The following LRIG1 variants were observed in gnomAD, a reference collection of about 807,000 sequenced individuals.
The protein encoded by LRIG1 is leucine-rich repeats and immunoglobulin-like domains protein 1.
A neutral mutation model predicts 99.2 loss-of-function variants in LRIG1; 48 were observed. The ratio of observed to expected loss-of-function variants is 0.48; its 90% CI spans 0.38 to 0.62. LRIG1 has a LOEUF of 0.62. LRIG1 is among the 20% of genes least tolerant of loss of function. The probability of loss-of-function intolerance (pLI) is 0.00; values close to 1 mark genes in which losing one functional copy is unlikely to be tolerated. For missense variants in LRIG1, 1,646 were observed against 1,434.4 expected, an observed-to-expected ratio of 1.15 and a Z score of -2.38; for synonymous variants, 772 against 596.1, an observed-to-expected ratio of 1.29 and a Z score of -4.30.
At chr3:66,470,623 G>A (rs1222047733) in intron 1 of LRIG1, among the ~76,000 whole-genome samples, 2 of 152,154 alleles carry the variant, frequency 1.3e-5, no homozygotes, top group African/African-American at 4.8e-5. Flanking sequence ...GCAAACCCCA[G>A]TGCCAGGTCC....
chr3:66,458,453 A>G (rs982798113), intron 2 of LRIG1, among the ~76,000 whole-genome samples: 4 of 152,236 alleles, frequency 2.6e-5, no homozygotes, highest in Non-Finnish European at 5.9e-5. Flanking sequence ...CTGTAATCCC[A>G]GCACACTGGG....
chr3:66,383,960 A>ACACG (rs777052145), intron 14 of LRIG1, 31 bp downstream of exon 14: 2 of 1,603,182 alleles, frequency 1.2e-6, no homozygotes, highest in African/African-American at 2.7e-5. Context: ...ACACACACAC[A>ACACG]CACACACACA....
At chr3:66,407,975 AC>A (rs1702334001) in intron 7 of LRIG1, among the ~76,000 whole-genome samples, 1 of 152,182 alleles carries the variant, frequency 6.6e-6, no homozygotes, top group Non-Finnish European at 1.5e-5. Context: ...GGACAACCAC[AC>A]CTGTGCCTCA....
At position 66,423,561 on chromosome 3, in the gene LRIG1, A is replaced by G. The variant is rs111920713; in HGVS notation, c.366-6295T>C. Reference sequence around the variant, plus strand: ...ACTCCAGCCTGGGCAACAAGAGCAAAACTCCATCTCAAAAGAAACAAATTA... The same window carrying G: ...ACTCCAGCCTGGGCAACAAGAGCAAGACTCCATCTCAAAAGAAACAAATTA... On this transcript the variant is annotated intron_variant, in intron 3 of 18. Transcript: ENST00000273261. Among the ~76,000 whole-genome samples, 422 of 152,304 alleles carry G rather than the reference A, an allele frequency of 2.8e-3. 4 individuals are homozygous for G. Among genetic ancestry groups the G allele is most frequent in the African/African-American group, 9.7e-3 (403 of 41,556 alleles).
At position 66,459,002 on chromosome 3, in the gene LRIG1, G is replaced by A. The variant is rs1028413677; in HGVS notation, c.290+3436C>T. 5.7e-5 allele frequency among the ~76,000 whole-genome samples: 7 copies of A among 122,410 alleles called. No homozygotes were observed. The East Asian group carries it at 1.6e-3, about 28-fold the overall frequency. The allele number at this position is 122,410 out of a possible 152,430, so 80.3% of individuals were successfully genotyped here. On this transcript the variant is annotated intron_variant, in intron 2 of 18. Coordinates refer to ENST00000273261, the MANE Select transcript of LRIG1 (RefSeq NM_015541.3). Reference sequence around the variant, plus strand: ...GCACTCCAGCCTGGGAGATAAGAGCGAAACTCCATCTCAAAAAAAAAAAAA... The same window carrying A: ...GCACTCCAGCCTGGGAGATAAGAGCAAAACTCCATCTCAAAAAAAAAAAAA...
At chr3:66,456,285 T>A (rs1700218681) in intron 2 of LRIG1, among the ~76,000 whole-genome samples, 3 of 152,176 alleles carry the variant, frequency 2.0e-5, no homozygotes. Context: ...AGGATATGCT[T>A]AAGAGATGGC....
At position 66,394,047 on chromosome 3, in the gene LRIG1, G is replaced by A. The variant is rs971927260; in HGVS notation, c.1461C>T (p.Phe487=). The change falls in exon 12 of 19, where the codon TTC becomes TTT. Residue 487 remains phenylalanine (F), a synonymous_variant. Transcript: ENST00000273261. ...TTACAAAGACAGTCTTACCGCACAC[G>A]AAACTCTCTGGTGGCACAGAGAAAA... ...QSIFSVPPES[F]VCDDFLKPQI... is the part of the protein sequence containing the mutation. The A allele has an allele frequency of 2.7e-5, 43 of 1,613,904 alleles. No individual in the cohort carries two copies. In the South Asian group the frequency reaches 3.2e-4, roughly 12 times the overall value.
At chr3:66,480,606 C>T (rs1331275381) in intron 1 of LRIG1, among the ~76,000 whole-genome samples, 1 of 152,102 alleles carries the variant, frequency 6.6e-6, no homozygotes, top group Admixed American at 6.5e-5. Flanking sequence ...TAAATGAACA[C>T]CCAAAAGAAC....
Position 66,383,430 on chromosome 3 carries a change from A to G in LRIG1, c.2072-29T>C, listed in dbSNP as rs762672214. On this transcript the variant is annotated intron_variant, in intron 14 of 18. Transcript: ENST00000273261. ...CAAGAGAGCAACAGAGATCTTAGTC[A>G]TTCTCAGGGCCTCCGTTGCTCTGGC... 4 of 1,514,104 alleles carry G rather than the reference A, an allele frequency of 2.6e-6. No individual in the cohort carries two copies. In the South Asian group the frequency reaches 5.3e-5, roughly 20 times the overall value. The allele number at this position is 1,514,104 out of a possible 1,614,324, so 93.8% of individuals were successfully genotyped here. A position where few individuals can be genotyped will look rare whatever the true frequency, so the allele number is the denominator to read the frequency against.
rs762344596 is a variant in LRIG1, at chr3:66,382,858, C to A, written c.2491+124G>T. The A allele has an allele frequency of 2.6e-5, 22 of 849,398 alleles. No homozygotes were observed. In the East Asian group the frequency reaches 4.3e-4, roughly 17 times the overall value. 52.6% of individuals were successfully genotyped at this position (849,398 alleles called of 1,614,324 possible). A position where few individuals can be genotyped will look rare whatever the true frequency, so the allele number is the denominator to read the frequency against. ...CAAAGTTAAAATGGAATTAGTGGGA[C>A]TAAACCCTCAGGAGTTCTGAACACA... On this transcript the variant is annotated intron_variant, in intron 15 of 18. Transcript: ENST00000273261.
chr3:66,471,824 G>GT (rs932697484), intron 1 of LRIG1, among the ~76,000 whole-genome samples: 13 of 152,294 alleles, frequency 8.5e-5, no homozygotes, highest in African/African-American at 3.1e-4. Flanking sequence ...CAAGTGCTTT[G>GT]TAAAGTCCAC....
chr3:66,447,630 G>A (rs1244019102), intron 3 of LRIG1, among the ~76,000 whole-genome samples: 1 of 152,182 alleles, frequency 6.6e-6, no homozygotes, highest in East Asian at 1.9e-4. Flanking sequence ...GAAGTTGTTA[G>A]GTAGACAAGG....
Position 66,386,182 on chromosome 3 carries a change from A to T in LRIG1, c.1588T>A (p.Trp530Arg). 1 of 1,614,154 alleles carries T rather than the reference A, an allele frequency of 6.2e-7. No individual in the cohort carries two copies. Among genetic ancestry groups the T allele is most frequent in the South Asian group, 1.1e-5 (1 of 91,082 alleles). The change falls in exon 13 of 19, where the codon TGG becomes AGG. Residue 530 changes from tryptophan to arginine, a missense_variant. Trp to Arg is a moderately radical substitution (Grantham distance 101, BLOSUM62 -3). Transcript: ENST00000273261. Reference sequence around the variant, plus strand: ...GTCAGGACTTCATTGTCTTTCTTCCAGGCAAAGGTCATGGGGGAGCTGCTG... The same window carrying T: ...GTCAGGACTTCATTGTCTTTCTTCCTGGCAAAGGTCATGGGGGAGCTGCTG... ...SSSSSPMTFA[W>R]KKDNEVLTNA...
At chr3:66,444,218 C>T (rs1227624193) in intron 3 of LRIG1, among the ~76,000 whole-genome samples, 1 of 152,216 alleles carries the variant, frequency 6.6e-6, no homozygotes, top group Non-Finnish European at 1.5e-5. Flanking sequence ...AAGCGCTCTC[C>T]ACCTCTACAG....
In LRIG1 at chr3:66,437,450, A is replaced by C. The variant is rs62245372; in HGVS notation, c.365+14109T>G. 4.7e-3 allele frequency among the ~76,000 whole-genome samples: 711 copies of C among 152,196 alleles called. 1 individual carries two copies. Among genetic ancestry groups the C allele is most frequent in the Admixed American group, 7.7e-3 (118 of 15,282 alleles). On this transcript the variant is annotated intron_variant, in intron 3 of 18. Transcript: ENST00000273261. ...TTCCACTAATACTTTTTCTCCCTTGACACCCTGCCTGCCTCTTCAGTAAAT... is the reference window on the plus strand; with the variant it reads ...TTCCACTAATACTTTTTCTCCCTTGCCACCCTGCCTGCCTCTTCAGTAAAT...
rs1403201096 is a variant in LRIG1 at position 66,378,937 on chromosome 3, T to TTTCACATTGCCTCTCA, written c.*1310_*1325dup. 1 of 152,666 alleles carries TTTCACATTGCCTCTCA rather than the reference T, an allele frequency of 6.6e-6. No homozygotes were observed. Among genetic ancestry groups the TTTCACATTGCCTCTCA allele is most frequent in the East Asian group, 1.9e-4 (1 of 5,204 alleles). The allele number at this position is 152,666 out of a possible 1,614,324, so 9.5% of individuals were successfully genotyped here. On this transcript the variant is annotated 3_prime_UTR_variant, in exon 19 of 19. Transcript: ENST00000273261. ...TTGTACATAAAAGTAATACTCCCTC[T>TTTCACATTGCCTCTCA]TTCACATTGCCTCTCAGAAGCAGCA...
chr3:66,383,881 G>A (rs1351078732), intron 14 of LRIG1, 110 bp downstream of exon 14: 1 of 1,430,058 alleles, frequency 7.0e-7, no homozygotes, highest in Non-Finnish European at 9.2e-7. Context: ...TTTCAAACAG[G>A]GTCGAAAGGC....
At position 66,379,368 on chromosome 3, in the gene LRIG1, T is replaced by C. The variant is rs368140694; in HGVS notation, c.*895A>G. 3.3e-5 allele frequency: 5 copies of C among 152,344 alleles called. No homozygotes were observed. Among genetic ancestry groups the C allele is most frequent in the African/African-American group, 1.2e-4 (5 of 41,506 alleles). The allele number at this position is 152,344 out of a possible 1,614,324, so 9.4% of individuals were successfully genotyped here. A position where few individuals can be genotyped will look rare whatever the true frequency, so the allele number is the denominator to read the frequency against. On this transcript the variant is annotated 3_prime_UTR_variant, in exon 19 of 19. Coordinates refer to ENST00000273261, the MANE Select transcript of LRIG1 (RefSeq NM_015541.3). ...CCCCCAAGGCCAATGTAATACTCAT[T>C]ATATTGGCAAAACGAAAACATCAGT... is the stretch of plus-strand genomic sequence containing the variant.
intron 14 of LRIG1, among the ~76,000 whole-genome samples, 156 bp from the exon 15 acceptor site, chr3:66,383,557 T>A (rs776883492): frequency 1.3e-5 from 2 of 152,192 alleles, no homozygotes; most frequent in Non-Finnish European, 2.9e-5. Context: ...CTTCAACTCA[T>A]TGACTGAGTC....
Sources: gnomAD v4.1 joint callset for allele counts (sites outside exome capture counted in the v4.1 genomes callset) on GRCh38, gnomAD v4.1.1 for gene constraint, MANE v1.5 for transcripts, NCBI Gene and HGNC (gene_info 2026-07-23, HGNC 2026-07-21) for gene names.